The following RBFOX1 variants were observed in gnomAD, a reference collection of about 807,000 sequenced individuals.
The protein encoded by RBFOX1 is RNA binding protein fox-1 homolog 1.
A neutral mutation model predicts 57.7 loss-of-function variants in RBFOX1; 8 were observed. That is an observed-to-expected ratio of 0.14 (90% CI 0.08 to 0.25). RBFOX1 has a LOEUF of 0.25. Ranked by LOEUF, RBFOX1 falls within the 10% of genes least tolerant of loss-of-function variation. The probability of loss-of-function intolerance (pLI) is 1.00; values close to 1 mark genes in which losing one functional copy is unlikely to be tolerated. For missense variants in RBFOX1, 611 were observed against 548.5 expected, an observed-to-expected ratio of 1.11 and a Z score of -1.14; for synonymous variants, 326 against 222.4, an observed-to-expected ratio of 1.47 and a Z score of -4.15.
intron 2 of RBFOX1, among the ~76,000 whole-genome samples, chr16:6,635,422 T>A (rs1376693748): frequency 1.3e-5 from 2 of 152,016 alleles, no homozygotes; most frequent in African/African-American, 4.8e-5. Context: ...AAAGACTTGG[T>A]GCCACAAGGA....
At chr16:7,624,641 G>A (rs2059808120) in intron 10 of RBFOX1, among the ~76,000 whole-genome samples, 2 of 152,180 alleles carry the variant, frequency 1.3e-5, no homozygotes, top group African/African-American at 4.8e-5. Flanking sequence ...AGCACTAGAG[G>A]CAGAGGGACT....
At chr16:6,868,803 T>C (rs187961413) in intron 3 of RBFOX1, among the ~76,000 whole-genome samples, 1 of 152,266 alleles carries the variant, frequency 6.6e-6, no homozygotes, top group Admixed American at 6.5e-5. Context: ...TAAGGTTGCA[T>C]CTTTTTGCTC....
At chr16:6,433,550 C>T (rs1369499549) in intron 2 of RBFOX1, among the ~76,000 whole-genome samples, 1 of 152,156 alleles carries the variant, frequency 6.6e-6, no homozygotes, top group South Asian at 2.1e-4. Context: ...GGTGCTGTAA[C>T]AAATTACCAC....
At chr16:6,700,065 A>C (rs1317818728) in intron 3 of RBFOX1, among the ~76,000 whole-genome samples, 1 of 152,074 alleles carries the variant, frequency 6.6e-6, no homozygotes, top group African/African-American at 2.4e-5. Context: ...TCTCTCATCA[A>C]ATACTCTCCC....
chr16:7,033,704 G>A (rs1419664887), intron 3 of RBFOX1, among the ~76,000 whole-genome samples: 1 of 152,028 alleles, frequency 6.6e-6, no homozygotes, highest in Non-Finnish European at 1.5e-5. Flanking sequence ...ACAGTAGAAA[G>A]ACATTTTGTC....
intron 3 of RBFOX1, among the ~76,000 whole-genome samples, chr16:6,673,000 A>G (rs1379077665): frequency 6.6e-6 from 1 of 152,150 alleles, no homozygotes; most frequent in East Asian, 1.9e-4. Flanking sequence ...AAGCCAGTGC[A>G]ATGCTAACAA....
intron 2 of RBFOX1, among the ~76,000 whole-genome samples, chr16:5,502,799 G>A (rs553446452): frequency 1.3e-5 from 2 of 152,118 alleles, no homozygotes; most frequent in African/African-American, 4.8e-5. Context: ...ACCATCTCCC[G>A]TCAGTTCCAG....
intron 3 of RBFOX1, among the ~76,000 whole-genome samples, chr16:5,697,123 T>G (rs1176748533): frequency 6.6e-6 from 1 of 152,136 alleles, no homozygotes; most frequent in Non-Finnish European, 1.5e-5. Context: ...TCATATAATT[T>G]TGGATTGTTT....
chr16:6,966,579 G>T (rs542436726), intron 3 of RBFOX1, among the ~76,000 whole-genome samples: 9 of 152,228 alleles, frequency 5.9e-5, no homozygotes, highest in African/African-American at 2.2e-4. Context: ...TGGAAGATAC[G>T]TTAGTTAAAA....
chr16:7,258,401 A>C (rs187439457), intron 4 of RBFOX1, among the ~76,000 whole-genome samples: 403 of 152,288 alleles, frequency 2.6e-3, no homozygotes, highest in South Asian at 7.0e-3. Context: ...TAACTTGGGA[A>C]GATTTGACAT....
intron 1 of RBFOX1, among the ~76,000 whole-genome samples, chr16:6,188,462 G>A (rs1224507140): frequency 2.8e-5 from 4 of 145,298 alleles, no homozygotes; most frequent in Non-Finnish European, 6.0e-5. Context: ...TACAGTGTTC[G>A]TAAACCTGGC....
intron 3 of RBFOX1, among the ~76,000 whole-genome samples, chr16:5,659,935 T>C (rs528169065): frequency 6.6e-6 from 1 of 152,354 alleles, no homozygotes; most frequent in Non-Finnish European, 1.5e-5. Context: ...TGTTATTTAA[T>C]GCATTAATAC....
rs145083273 is a variant in RBFOX1 at position 7,449,131 on chromosome 16, G to A, written c.28-69016G>A. On this transcript the variant is annotated intron_variant, in intron 4 of 15. Coordinates refer to ENST00000550418, the MANE Select transcript of RBFOX1 (RefSeq NM_018723.4). ...TTTAGTAGAGACGGGGTTTCTCCAT[G>A]TTGGTCAGGCTGGTCTCGAACTCCC... Among the ~76,000 whole-genome samples, 484 of 152,068 alleles carry A rather than the reference G, an allele frequency of 3.2e-3. 1 individual carries two copies. Among genetic ancestry groups the A allele is most frequent in the African/African-American group, 0.011 (470 of 41,514 alleles).
rs142728934 is a variant in RBFOX1 at position 5,657,722 on chromosome 16, T to G, written c.318+58761T>G. ...TCCTTCTGTCTTTCTCTCTTTCTTT[T>G]GTTTCTTTTCTTTTCTTTTTTTTTT... On this transcript the variant is annotated intron_variant, in intron 3 of 19. Transcript: ENST00000641259. Among the ~76,000 whole-genome samples the G allele has an allele frequency of 3.6e-3, 467 of 129,444 alleles. 4 individuals are homozygous for G. The highest frequency in any genetic ancestry group is 0.012 in the African/African-American group (450 of 36,098). 84.9% of individuals were successfully genotyped at this position (129,444 alleles called of 152,430 possible). A position where few individuals can be genotyped will look rare whatever the true frequency, so the allele number is the denominator to read the frequency against.
At chr16:6,164,732 C>G (rs1027941732) in intron 1 of RBFOX1, among the ~76,000 whole-genome samples, 1 of 152,212 alleles carries the variant, frequency 6.6e-6, no homozygotes, top group South Asian at 2.1e-4. Context: ...CCCCCCTTGG[C>G]CTTCCAAAGT....
Position 5,423,913 on chromosome 16 carries a change from A to G in RBFOX1, c.220-43303A>G, listed in dbSNP as rs1597000266. 3.3e-5 allele frequency among the ~76,000 whole-genome samples: 5 copies of G among 152,262 alleles called. No homozygotes were observed. The South Asian group carries it at 1.0e-3, about 32-fold the overall frequency. ...CATCTCAGAGTAGTTTAGAAAATAA[A>G]ATGCATTTCTCTGACAACCTTGTGA... is the stretch of plus-strand genomic sequence containing the variant. On this transcript the variant is annotated intron_variant, in intron 1 of 2. Coordinates refer to the RBFOX1 transcript ENST00000585867.
intron 4 of RBFOX1, among the ~76,000 whole-genome samples, chr16:7,288,158 C>G (rs1195288704): frequency 6.6e-6 from 1 of 152,168 alleles, no homozygotes; most frequent in Non-Finnish European, 1.5e-5. Flanking sequence ...AAGATACCCA[C>G]AAGCACCCTG....
chr16:6,056,136 G>A (rs147761240), intron 1 of RBFOX1, among the ~76,000 whole-genome samples: 1 of 152,240 alleles, frequency 6.6e-6, no homozygotes, highest in East Asian at 1.9e-4. Flanking sequence ...TCTGTCCATA[G>A]CTGCTTGTCA....
At chr16:7,261,010 G>A (rs1382634403) in intron 4 of RBFOX1, among the ~76,000 whole-genome samples, 1 of 152,124 alleles carries the variant, frequency 6.6e-6, no homozygotes, top group Non-Finnish European at 1.5e-5. Context: ...AGGGGATGGT[G>A]GAAGTTTCTC....
Sources: gnomAD v4.1 joint callset for allele counts (sites outside exome capture counted in the v4.1 genomes callset) on GRCh38, gnomAD v4.1.1 for gene constraint, MANE v1.5 for transcripts, NCBI Gene and HGNC (gene_info 2026-07-23, HGNC 2026-07-21) for gene names.